Variants in SLC16A8 observed in about 807,000 individuals in gnomAD.
SLC16A8 encodes monocarboxylate transporter 3.
Under a neutral mutation model 22.4 loss-of-function variants are expected in SLC16A8, and 20 were observed. The observed-to-expected ratio is 0.89, with a 90% CI of 0.63 to 1.30. The LOEUF (loss-of-function observed/expected upper bound fraction) is 1.30, where lower values mean the gene tolerates loss of function less well. Among genes scored for constraint, SLC16A8 ranks in the 50% most tolerant of loss-of-function variants. The pLI is 0.00. For missense variants in SLC16A8, 817 were observed against 740.3 expected, an observed-to-expected ratio of 1.10 and a Z score of -1.20; for synonymous variants, 393 against 358.8, an observed-to-expected ratio of 1.10 and a Z score of -1.08.
Position 38,081,083 on chromosome 22 carries a change from C to T in SLC16A8, c.955G>A (p.Val319Ile), listed in dbSNP as rs768355397. ...LAGLARLRPH[V>I]PYLFSLALLA... is the part of the protein sequence containing the mutation. Reference sequence around the variant, plus strand: ...AGGGCCAGGCTGAACAGATACGGGACGTGCGGCCGCAGACGCGCCAGGCCC... The same window carrying T: ...AGGGCCAGGCTGAACAGATACGGGATGTGCGGCCGCAGACGCGCCAGGCCC... Residue 319 changes from valine to isoleucine, a missense_variant, in exon 5 of 6, where the codon GTC becomes ATC. Val to Ile is a conservative substitution (Grantham distance 29). Transcript: ENST00000681075. 1 of 1,566,074 alleles carries T rather than the reference C, an allele frequency of 6.4e-7. No homozygotes were observed. Among genetic ancestry groups the T allele is most frequent in the Non-Finnish European group, 8.6e-7 (1 of 1,159,444 alleles).
In SLC16A8 at chr22:38,082,008, G is replaced by A. The variant is rs574649272; in HGVS notation, c.239C>T (p.Thr80Ile). ...GTGPVSSILV[T>I]RFGCRPVMLA... ...CATCACCGGGCGACAGCCAAAGCGG[G>A]TCACGAGGATGCTGGACACGGGGCC... The change falls in exon 4 of 6, where the codon ACC (threonine) becomes ATC (isoleucine). Residue 80 changes from threonine to isoleucine, a missense_variant. By Grantham distance (89) the Thr-to-Ile change is moderately conservative. Coordinates refer to ENST00000681075, the MANE Select transcript of SLC16A8 (RefSeq NM_013356.3). The A allele has an allele frequency of 2.5e-6, 4 of 1,579,170 alleles. No individual in the cohort carries two copies. The highest frequency in any genetic ancestry group is 1.2e-5 in the South Asian group (1 of 86,262).
In SLC16A8 at chr22:38,080,969, A is replaced by C; in HGVS notation, c.1069T>G (p.Tyr357Asp). Residue 357 changes from tyrosine to aspartate, a missense_variant, in exon 5 of 6, where the codon TAC becomes GAC. Tyr to Asp is a radical substitution (Grantham distance 160). Coordinates refer to ENST00000681075, the MANE Select transcript of SLC16A8 (RefSeq NM_013356.3). ...AACTGCAGCGCGCCCACCATGCCGT[A>C]GGAGAGGCCGAAGGCGACGCAGAAG... ...VAFCVAFGLSYGMVGALQFEV... is the reference protein window; with the variant it reads ...VAFCVAFGLSDGMVGALQFEV... 1 of 1,597,058 alleles carries C rather than the reference A, an allele frequency of 6.3e-7. No individual in the cohort carries two copies. Among genetic ancestry groups the C allele is most frequent in the Non-Finnish European group, 8.5e-7 (1 of 1,176,984 alleles).
chr22:38,078,774 T>C (rs1413662983), intron 5 of SLC16A8, 70 bp from the exon 6 acceptor site: 3 of 1,427,862 alleles, frequency 2.1e-6, no homozygotes, highest in African/African-American at 2.8e-5. Context: ...TCCTGCACTC[T>C]CAGGTCAAGG....
intron 5 of SLC16A8, among the ~76,000 whole-genome samples, chr22:38,079,931 A>G (rs1434798536): frequency 6.6e-6 from 1 of 152,176 alleles, no homozygotes; most frequent in Non-Finnish European, 1.5e-5. Context: ...TCACTGGGTC[A>G]GGTGGGATGA....
chr22:38,080,570 C>G (rs2085899474), intron 5 of SLC16A8, among the ~76,000 whole-genome samples: 1 of 152,222 alleles, frequency 6.6e-6, no homozygotes, highest in Non-Finnish European at 1.5e-5. Flanking sequence ...AGCACCTGCG[C>G]TCCAGATGGC....
At position 38,082,892 on chromosome 22, in the gene SLC16A8, G is replaced by A; in HGVS notation, c.-8-11C>T. 1 of 1,459,058 alleles carries A rather than the reference G, an allele frequency of 6.9e-7. No homozygotes were observed. Among genetic ancestry groups the A allele is most frequent in the Non-Finnish European group, 9.3e-7 (1 of 1,080,306 alleles). The allele number at this position is 1,459,058 out of a possible 1,614,324, so 90.4% of individuals were successfully genotyped here. On this transcript the variant is annotated splice_polypyrimidine_tract_variant and intron_variant, in intron 2 of 5. Coordinates refer to ENST00000681075, the MANE Select transcript of SLC16A8 (RefSeq NM_013356.3). ...CGCCCATCGCTGCCTCTGTTGGGAG[G>A]GGGCGGGGACAAGAGGGAGGGGCTG...
At position 38,078,553 on chromosome 22, in the gene SLC16A8, T is replaced by A; in HGVS notation, c.1350A>T (p.Gly450=). Residue 450 remains glycine, a synonymous_variant, in exon 6 of 6, where the codon GGA becomes GGT. Transcript: ENST00000681075. Reference sequence around the variant, plus strand: ...CCTCAGCGTCCTCAGTGTCACTGGCTCCGCCCTCAGTGCCTGGGCCTGACG... The same window carrying A: ...CCTCAGCGTCCTCAGTGTCACTGGCACCGCCCTCAGTGCCTGGGCCTGACG... The part of the protein sequence containing the change: ...AAPSGPGTEG[G]ASDTEDAEAE... 2 of 1,614,124 alleles carry A rather than the reference T, an allele frequency of 1.2e-6. No individual in the cohort carries two copies. The highest frequency in any genetic ancestry group is 1.7e-6 in the Non-Finnish European group (2 of 1,180,028).
In SLC16A8 at chr22:38,081,869, G is replaced by C; in HGVS notation, c.358+20C>G. 6.3e-7 allele frequency: 1 copy of C among 1,588,140 alleles called. No individual in the cohort carries two copies. Among genetic ancestry groups the C allele is most frequent in the Non-Finnish European group, 8.6e-7 (1 of 1,167,304 alleles). ...CCCCCGACCCCCAACCCAGCGGAGA[G>C]GAGACCAGGGGGCCCTCACCTGTGA... On this transcript the variant is annotated intron_variant, in intron 4 of 5. Coordinates refer to ENST00000681075, the MANE Select transcript of SLC16A8 (RefSeq NM_013356.3).
rs537020648 is a variant in SLC16A8, at chr22:38,082,792, C to T, written c.82G>A (p.Val28Ile). The change falls in exon 3 of 6, where the codon GTC becomes ATC. Residue 28 changes from valine (V) to isoleucine (I), a missense_variant. Coordinates refer to ENST00000681075, the MANE Select transcript of SLC16A8 (RefSeq NM_013356.3). ...GGGAAGCCGTAGGCGAAGCCGGTGA[C>T]CACAAAGCAGGCGCCCAGCACCACC... ...GWVVLGACFV[V>I]TGFAYGFPKA... 1.3e-6 allele frequency: 2 copies of T among 1,596,224 alleles called. No homozygotes were observed. The highest frequency in any genetic ancestry group is 1.7e-5 in the Admixed American group (1 of 57,310).
chr22:38,082,943 G>T, intron 2 of SLC16A8, 62 bp from the exon 3 acceptor site: 5 of 1,073,434 alleles, frequency 4.7e-6, no homozygotes, highest in Non-Finnish European at 6.6e-6. Context: ...GAAGGAGGGG[G>T]ATGGAGACGA....
Position 38,080,987 on chromosome 22 carries a change from C to A in SLC16A8, c.1051G>T (p.Val351Phe), listed in dbSNP as rs756747054. 1.3e-6 allele frequency: 2 copies of A among 1,597,514 alleles called. No individual in the cohort carries two copies. Among genetic ancestry groups the A allele is most frequent in the Non-Finnish European group, 1.7e-6 (2 of 1,176,930 alleles). ...ATGCCGTAGGAGAGGCCGAAGGCGA[C>A]GCAGAAGGCGACGAGGGCGCCGTAG... ...RSYGALVAFC[V>F]AFGLSYGMVG... is the part of the protein sequence containing the mutation. The change falls in exon 5 of 6, where the codon GTC becomes TTC. Residue 351 changes from valine to phenylalanine, a missense_variant. Val to Phe is a conservative substitution (Grantham distance 50, BLOSUM62 -1). Coordinates refer to ENST00000681075, the MANE Select transcript of SLC16A8 (RefSeq NM_013356.3).
At chr22:38,083,702 G>A (rs1188063725) in intron 1 of SLC16A8, among the ~76,000 whole-genome samples, 1 of 129,920 alleles carries the variant, frequency 7.7e-6, no homozygotes, top group Admixed American at 7.9e-5. Flanking sequence ...GGCTCCACCC[G>A]GGGCCCTCAC....
Position 38,083,124 on chromosome 22 carries a change from T to C in SLC16A8, c.-91A>G. ...CACCTGACTCTGCACCTCTGCAGGC[T>C]CCCTCTGAAGGACAACTGCTGGCCC... On this transcript the variant is annotated 5_prime_UTR_variant, in exon 2 of 6. Coordinates refer to ENST00000681075, the MANE Select transcript of SLC16A8 (RefSeq NM_013356.3). 1.9e-6 allele frequency: 1 copy of C among 525,492 alleles called. No homozygotes were observed. The highest frequency in any genetic ancestry group is 3.4e-6 in the Non-Finnish European group (1 of 294,308). 32.6% of individuals were successfully genotyped at this position (525,492 alleles called of 1,614,324 possible). A position where few individuals can be genotyped will look rare whatever the true frequency, so the allele number is the denominator to read the frequency against.
Position 38,081,199 on chromosome 22 carries a change from T to A in SLC16A8, c.839A>T (p.Asp280Val). 1.9e-6 allele frequency: 3 copies of A among 1,563,682 alleles called. No individual in the cohort carries two copies. Among genetic ancestry groups the A allele is most frequent in the Non-Finnish European group, 2.6e-6 (3 of 1,154,606 alleles). ...GGCGTCGGTGTCGGGCACGCCCGCG[T>A]CCTTGGCGTAGTTCACCAGCAGGAT... ...PAILLVNYAK[D>V]AGVPDTDAAF... The change falls in exon 5 of 6, where the codon GAC becomes GTC. Residue 280 changes from aspartate (D) to valine (V), a missense_variant. By Grantham distance (152) the Asp-to-Val change is radical (BLOSUM62 -3). Transcript: ENST00000681075.
At position 38,081,246 on chromosome 22, in the gene SLC16A8, C is replaced by A. The variant is rs1232050184; in HGVS notation, c.792G>T (p.Ala264=). ...AVYAVTKFLM[A]LGLFVPAILL... The stretch of plus-strand genomic sequence containing the variant: ...GGATGGCGGGGACGAAGAGCCCGAG[C>A]GCCATCAGGAACTTGGTGACGGCGT... The change falls in exon 5 of 6, where the codon GCG becomes GCT. Residue 264 remains alanine (A), a synonymous_variant. Transcript: ENST00000681075. 1.4e-5 allele frequency: 22 copies of A among 1,585,272 alleles called. No homozygotes were observed. The highest frequency in any genetic ancestry group is 1.9e-5 in the Non-Finnish European group (22 of 1,166,400).
chr22:38,081,962 AGCCAGCAGCCCACCC>A lies in SLC16A8; in HGVS notation c.270_284del (p.Gly91_Ala95del). 6.4e-7 allele frequency: 1 copy of A among 1,562,788 alleles called. No individual in the cohort carries two copies. Among genetic ancestry groups the A allele is most frequent in the Non-Finnish European group, 8.7e-7 (1 of 1,153,792 alleles). ...AGGAAGCTAGGATCATGCCCGCGGA[AGCCAGCAGCCCACCC>A]GCCAGCATCACCGGGCGACAGCCAA... On this transcript the variant is annotated inframe_deletion, in exon 4 of 6. Transcript: ENST00000681075.
At position 38,082,900 on chromosome 22, in the gene SLC16A8, G is replaced by T; in HGVS notation, c.-8-19C>A. ...GCTGCCTCTGTTGGGAGGGGGCGGG[G>T]ACAAGAGGGAGGGGCTGGGCCAGCA... is the stretch of plus-strand genomic sequence containing the variant. On this transcript the variant is annotated intron_variant, in intron 2 of 5. Transcript: ENST00000681075. 1.4e-6 allele frequency: 2 copies of T among 1,380,854 alleles called. No homozygotes were observed. Among genetic ancestry groups the T allele is most frequent in the Non-Finnish European group, 2.0e-6 (2 of 1,015,010 alleles). 85.5% of individuals were successfully genotyped at this position (1,380,854 alleles called of 1,614,324 possible). A position where few individuals can be genotyped will look rare whatever the true frequency, so the allele number is the denominator to read the frequency against.
chr22:38,079,764 C>T (rs753099527), intron 5 of SLC16A8, among the ~76,000 whole-genome samples: 2 of 152,318 alleles, frequency 1.3e-5, no homozygotes, highest in Middle Eastern at 3.4e-3. Context: ...TGTCTGTGTG[C>T]TCCACCCTCT....
chr22:38,081,672 G>T lies in SLC16A8; in HGVS notation c.366C>A (p.Gly122=). The T allele has an allele frequency of 6.6e-7, 1 of 1,517,022 alleles. No homozygotes were observed. The highest frequency in any genetic ancestry group is 8.8e-7 in the Non-Finnish European group (1 of 1,137,644). The allele number at this position is 1,517,022 out of a possible 1,614,324, so 94.0% of individuals were successfully genotyped here. A position where few individuals can be genotyped will look rare whatever the true frequency, so the allele number is the denominator to read the frequency against. The part of the protein sequence containing the change: ...YLTAGVLTGL[G]LALNFQPSLI... ...GCGACGGCTGGAAGTTGAGGGCCAG[G>T]CCCAGGCCTGCGGGCGAGGCGGTGC... is the stretch of plus-strand genomic sequence containing the variant. The change falls in exon 5 of 6, where the codon GGC becomes GGA. Residue 122 remains glycine (G), a synonymous_variant. Transcript: ENST00000681075.
Sources: allele counts gnomAD v4.1 joint callset (sites outside exome capture counted in the v4.1 genomes callset), GRCh38; gene constraint gnomAD v4.1.1; transcripts MANE v1.5; gene names NCBI Gene and HGNC (gene_info 2026-07-23, HGNC 2026-07-21).